ADAM12: variants seen among roughly 807,000 people sequenced by gnomAD.
ADAM12 encodes the protein disintegrin and metalloproteinase domain-containing protein 12.
ADAM12 carries 70 observed loss-of-function variants against 106.4 expected under a neutral mutation model. The observed-to-expected ratio is 0.66, with a 90% CI of 0.54 to 0.80. ADAM12 has a LOEUF of 0.80. Ranked by LOEUF, ADAM12 falls within the 30% of genes least tolerant of loss-of-function variation. The pLI, the probability that ADAM12 is intolerant of heterozygous loss-of-function variation, is 0.00. For synonymous variants in ADAM12, 420 were observed against 433.5 expected (o/e 0.97, Z 0.39); for missense variants, 1,010 against 1,171.9 (o/e 0.86, Z 2.02).
At chr10:126,313,996 TA>T (rs1340897344) in intron 2 of ADAM12, among the ~76,000 whole-genome samples, 1 of 151,664 alleles carries the variant, frequency 6.6e-6, no homozygotes, top group Non-Finnish European at 1.5e-5. Context: ...ACCATGCAAC[TA>T]GATGGGGTGC....
intron 3 of ADAM12, among the ~76,000 whole-genome samples, chr10:126,236,191 G>A (rs753723789): frequency 3.3e-5 from 5 of 152,216 alleles, no homozygotes; most frequent in South Asian, 2.1e-4. Flanking sequence ...GAGAGTGTCC[G>A]TGGAGACAAG....
intron 8 of ADAM12, among the ~76,000 whole-genome samples, chr10:126,105,407 C>G (rs1429706812): frequency 6.6e-6 from 1 of 152,182 alleles, no homozygotes; most frequent in Non-Finnish European, 1.5e-5. Context: ...GTGTTTTCTT[C>G]TCGTTGGACA....
At chr10:126,289,868 G>A (rs969538249) in intron 2 of ADAM12, among the ~76,000 whole-genome samples, 5 of 152,148 alleles carry the variant, frequency 3.3e-5, no homozygotes, top group African/African-American at 4.8e-5. Context: ...ATAACAAAAC[G>A]CTTTTCCTAT....
chr10:126,325,188 G>T (rs7082342), intron 2 of ADAM12, among the ~76,000 whole-genome samples: 100,953 of 152,002 alleles, frequency 0.66, 33,686 homozygotes, highest in Admixed American at 0.73. Flanking sequence ...GAAGAGAGGA[G>T]TTCAGAGGAG....
At chr10:126,169,669 A>C (rs1957085042) in intron 3 of ADAM12, among the ~76,000 whole-genome samples, 1 of 152,232 alleles carries the variant, frequency 6.6e-6, no homozygotes, top group Non-Finnish European at 1.5e-5. Flanking sequence ...TGATCCTTAG[A>C]AGTTCTACCA....
chr10:126,039,553 G>A, intron 18 of ADAM12, 124 bp from the exon 19 acceptor site: 3 of 1,137,810 alleles, frequency 2.6e-6, no homozygotes, highest in Non-Finnish European at 3.8e-6. Flanking sequence ...GTACACCCGT[G>A]AGTGATGTAC....
intron 3 of ADAM12, among the ~76,000 whole-genome samples, chr10:126,219,550 G>T (rs79168235): frequency 0.012 from 1,887 of 152,246 alleles, 68 homozygotes; most frequent in East Asian, 0.12. Context: ...GTGTTACTAC[G>T]CTATTATATT....
At position 126,385,899 on chromosome 10, in the gene ADAM12, T is replaced by C. The variant is rs1033648457; in HGVS notation, c.88+2159A>G. Among the ~76,000 whole-genome samples the C allele has an allele frequency of 3.9e-5, 6 of 152,156 alleles. No individual in the cohort carries two copies. In the South Asian group the frequency reaches 1.2e-3, roughly 32 times the overall value. ...TTTGAAAATAATAACTTTGGCTCTA[T>C]TGTGGAGGAAAATATACCATGCAGG... is the stretch of plus-strand genomic sequence containing the variant. On this transcript the variant is annotated intron_variant, in intron 1 of 22. Transcript: ENST00000448723.
At chr10:126,243,070 C>G (rs1473082756) in intron 3 of ADAM12, among the ~76,000 whole-genome samples, 1 of 152,216 alleles carries the variant, frequency 6.6e-6, no homozygotes, top group African/African-American at 2.4e-5. Context: ...TAGACACATT[C>G]ACCCTGTCAG....
At chr10:126,208,364 T>C (rs1957835594) in intron 3 of ADAM12, among the ~76,000 whole-genome samples, 1 of 152,092 alleles carries the variant, frequency 6.6e-6, no homozygotes, top group African/African-American at 2.4e-5. Flanking sequence ...AATTATCCCC[T>C]CCTCTGCAAG....
chr10:126,040,445 C>T (rs1259484428), intron 18 of ADAM12, among the ~76,000 whole-genome samples: 2 of 152,214 alleles, frequency 1.3e-5, no homozygotes, highest in Admixed American at 1.3e-4. Context: ...TGGATCACTG[C>T]AGCAGCAGCT....
In ADAM12 at chr10:126,101,167, T is replaced by A. The variant is rs757869964; in HGVS notation, c.816A>T (p.Val272=). The A allele has an allele frequency of 7.4e-6, 12 of 1,614,004 alleles. No homozygotes were observed. Among genetic ancestry groups the A allele is most frequent in the Non-Finnish European group, 1.0e-5 (12 of 1,180,020 alleles). ...GGAGGCTGGTGAATGGGTCCTGACT[T>A]ACAGAGCATTTGTCCATGTCATTCC... ...EVWNDMDKCS[V]SQDPFTSLHE... Residue 272 remains valine, a synonymous_variant, in exon 9 of 23, where the codon GTA becomes GTT. Coordinates refer to ENST00000448723, the MANE Select transcript of ADAM12 (RefSeq NM_001288973.2).
chr10:126,297,352 G>A (rs1001855751), intron 2 of ADAM12, among the ~76,000 whole-genome samples: 3 of 152,158 alleles, frequency 2.0e-5, no homozygotes, highest in African/African-American at 7.2e-5. Flanking sequence ...AGACCAGCCT[G>A]GGCAACATAG....
chr10:126,291,046 G>A (rs746152084), intron 2 of ADAM12, among the ~76,000 whole-genome samples: 14 of 152,234 alleles, frequency 9.2e-5, no homozygotes, highest in Non-Finnish European at 1.6e-4. Flanking sequence ...GGCCTTCTAA[G>A]ACACAGCCAG....
chr10:126,372,841 C>G (rs376628246), intron 1 of ADAM12, among the ~76,000 whole-genome samples: 1 of 152,208 alleles, frequency 6.6e-6, no homozygotes, highest in African/African-American at 2.4e-5. Context: ...TGATAATCAC[C>G]TTTTTAAAGG....
At chr10:126,308,565 T>C (rs1960946638) in intron 2 of ADAM12, among the ~76,000 whole-genome samples, 1 of 152,270 alleles carries the variant, frequency 6.6e-6, no homozygotes, top group Non-Finnish European at 1.5e-5. Flanking sequence ...TAATATTGTT[T>C]GATAGTATAA....
At chr10:126,092,295 C>T (rs796973400) in intron 11 of ADAM12, among the ~76,000 whole-genome samples, 6 of 152,266 alleles carry the variant, frequency 3.9e-5, no homozygotes, top group South Asian at 2.1e-4. Flanking sequence ...TGAGAAAACA[C>T]GAAGGCCACT....
chr10:126,136,906 A>G (rs1221481437), intron 4 of ADAM12, among the ~76,000 whole-genome samples: 1 of 152,116 alleles, frequency 6.6e-6, no homozygotes, highest in African/African-American at 2.4e-5. Context: ...ATTACATGGG[A>G]AATGTCTTTT....
intron 2 of ADAM12, among the ~76,000 whole-genome samples, chr10:126,313,196 T>C (rs1445959056): frequency 6.6e-6 from 1 of 152,160 alleles, no homozygotes; most frequent in Non-Finnish European, 1.5e-5. Flanking sequence ...CTGTCGGCTT[T>C]CCATATGGTA....
Sources: allele counts gnomAD v4.1 joint callset (sites outside exome capture counted in the v4.1 genomes callset), GRCh38; gene constraint gnomAD v4.1.1; transcripts MANE v1.5; gene names NCBI Gene and HGNC (gene_info 2026-07-23, HGNC 2026-07-21).